Variants in SUMF1 observed in about 807,000 individuals in gnomAD.
SUMF1 encodes the protein formylglycine-generating enzyme.
In SUMF1, 48 loss-of-function variants were observed where a neutral mutation model predicts 47.6. That is an observed-to-expected ratio of 1.01 (90% confidence interval 0.80 to 1.28). SUMF1 has a LOEUF of 1.28. Among genes scored for constraint, SUMF1 ranks in the 50% most tolerant of loss-of-function variants. The probability of loss-of-function intolerance (pLI) is 0.00; values close to 1 mark genes in which losing one functional copy is unlikely to be tolerated. For synonymous variants in SUMF1, 230 were observed against 192.1 expected (o/e 1.20, Z -1.63); for missense variants, 571 against 485.4 (o/e 1.18, Z -1.66).
intron 8 of SUMF1, among the ~76,000 whole-genome samples, chr3:4,176,011 A>C (rs1186022187): frequency 6.6e-6 from 1 of 152,186 alleles, no homozygotes; most frequent in East Asian, 1.9e-4. Context: ...AGAAATGAAC[A>C]AAGCCTCCAA....
At chr3:4,145,773 C>G (rs546372661) in intron 8 of SUMF1, among the ~76,000 whole-genome samples, 34 of 152,234 alleles carry the variant, frequency 2.2e-4, no homozygotes, top group Non-Finnish European at 4.0e-4. Context: ...GTATTCAAGA[C>G]AGTTGAGGCA....
At chr3:4,224,937 C>T (rs1479046385) in intron 8 of SUMF1, among the ~76,000 whole-genome samples, 2 of 152,096 alleles carry the variant, frequency 1.3e-5, no homozygotes, top group African/African-American at 2.4e-5. Context: ...TTCCCAGTTG[C>T]CTGAGCCAAT....
intron 1 of SUMF1, among the ~76,000 whole-genome samples, chr3:4,456,517 T>A (rs747176817): frequency 2.0e-5 from 3 of 147,804 alleles, no homozygotes; most frequent in Admixed American, 6.8e-5. Context: ...AGTAGCACGA[T>A]CTCGGCTCAC....
intron 8 of SUMF1, among the ~76,000 whole-genome samples, chr3:4,368,097 G>A (rs1700040369): frequency 6.6e-6 from 1 of 151,948 alleles, no homozygotes; most frequent in South Asian, 2.1e-4. Flanking sequence ...TCTGACAAAG[G>A]GCTAATATTT....
downstream of SUMF1, among the ~76,000 whole-genome samples, chr3:4,356,921 T>C (rs1699631811): frequency 1.3e-5 from 2 of 152,234 alleles, no homozygotes; most frequent in Non-Finnish European, 2.9e-5. Flanking sequence ...TGCCTGGCTC[T>C]GCACTTCCTA....
chr3:4,200,335 G>T (rs914341511), intron 8 of SUMF1, among the ~76,000 whole-genome samples: 1 of 151,990 alleles, frequency 6.6e-6, no homozygotes. Flanking sequence ...AGTGAATTCA[G>T]TGGGCAAAAT....
At chr3:4,133,894 G>A (rs1693853452) in intron 8 of SUMF1, among the ~76,000 whole-genome samples, 1 of 151,994 alleles carries the variant, frequency 6.6e-6, no homozygotes. Context: ...CATTGACTGG[G>A]AAGGAACAGT....
At chr3:4,432,639 T>C (rs1199592996) in intron 3 of SUMF1, among the ~76,000 whole-genome samples, 1 of 152,166 alleles carries the variant, frequency 6.6e-6, no homozygotes, top group African/African-American at 2.4e-5. Context: ...ATCCTATAAA[T>C]AAAAGACCCA....
intron 3 of SUMF1, among the ~76,000 whole-genome samples, chr3:4,438,169 T>C (rs1219941075): frequency 6.6e-6 from 1 of 151,658 alleles, no homozygotes; most frequent in Non-Finnish European, 1.5e-5. Flanking sequence ...ATTTTATAAA[T>C]AGCATAAAAA....
chr3:4,257,618 A>C (rs1273861314), intron 8 of SUMF1, among the ~76,000 whole-genome samples: 3 of 149,042 alleles, frequency 2.0e-5, no homozygotes, highest in Non-Finnish European at 3.0e-5. Context: ...AAGAGGATAC[A>C]AACAAATGGA....
chr3:4,325,225 AAAATATTTC>A (rs1342191630), intron 8 of SUMF1, among the ~76,000 whole-genome samples: 34 of 152,126 alleles, frequency 2.2e-4, no homozygotes, highest in Admixed American at 1.9e-3. Context: ...CCTGTTCTTC[AAAATATTTC>A]AAAGAAAGTA....
At chr3:4,225,194 T>A (rs546999656) in intron 8 of SUMF1, among the ~76,000 whole-genome samples, 3 of 152,056 alleles carry the variant, frequency 2.0e-5, no homozygotes, top group Non-Finnish European at 4.4e-5. Context: ...CTGGAGATAG[T>A]TAATCTTAGA....
chr3:4,315,491 A>G (rs951172279), intron 8 of SUMF1, among the ~76,000 whole-genome samples: 2 of 152,146 alleles, frequency 1.3e-5, no homozygotes, highest in African/African-American at 4.8e-5. Flanking sequence ...CTGACTGAAT[A>G]TGGACCCCTG....
At chr3:4,367,282 G>A (rs918183048) in intron 8 of SUMF1, among the ~76,000 whole-genome samples, 1 of 152,204 alleles carries the variant, frequency 6.6e-6, no homozygotes. Flanking sequence ...GTCTGCAGAG[G>A]TTACTGCTAT....
At chr3:4,268,046 C>T (rs536722071) in intron 8 of SUMF1, among the ~76,000 whole-genome samples, 1 of 152,216 alleles carries the variant, frequency 6.6e-6, no homozygotes, top group African/African-American at 2.4e-5. Flanking sequence ...ACATGGAATA[C>T]TATGCAGCCA....
intron 8 of SUMF1, among the ~76,000 whole-genome samples, chr3:4,295,729 C>A (rs1347448223): frequency 6.6e-6 from 1 of 152,216 alleles, no homozygotes; most frequent in Non-Finnish European, 1.5e-5. Flanking sequence ...TCTTTCACCT[C>A]TTCGCATATT....
chr3:4,186,373 G>A (rs1326784236), intron 8 of SUMF1, among the ~76,000 whole-genome samples: 1 of 152,094 alleles, frequency 6.6e-6, no homozygotes, highest in Non-Finnish European at 1.5e-5. Context: ...GAGGTGAGCT[G>A]CATTGGAAGA....
intron 8 of SUMF1, among the ~76,000 whole-genome samples, chr3:4,259,969 G>C (rs1251692129): frequency 6.6e-6 from 1 of 150,516 alleles, no homozygotes; most frequent in African/African-American, 2.4e-5. Flanking sequence ...TCGTGAGTTA[G>C]AAAGTCCTCT....
intron 8 of SUMF1, among the ~76,000 whole-genome samples, chr3:4,279,259 T>C (rs137860735): frequency 2.6e-4 from 39 of 152,254 alleles, no homozygotes; most frequent in African/African-American, 8.2e-4. Flanking sequence ...AAGTCAGATA[T>C]GTGAAGAAAA....
Sources: gnomAD v4.1 joint callset for allele counts (sites outside exome capture counted in the v4.1 genomes callset) on GRCh38, gnomAD v4.1.1 for gene constraint, MANE v1.5 for transcripts, NCBI Gene and HGNC (gene_info 2026-07-23, HGNC 2026-07-21) for gene names.